YEATS2: variants seen among roughly 807,000 people sequenced by gnomAD.
The protein encoded by YEATS2 is YEATS domain containing 2, also known as YEATS domain-containing protein 2.
Under a neutral mutation model 163.2 loss-of-function variants are expected in YEATS2, and 77 were observed. The ratio of observed to expected loss-of-function variants is 0.47; its 90% CI spans 0.39 to 0.57. The LOEUF is 0.57. YEATS2 is among the 20% of genes least tolerant of loss of function. The pLI is 0.00. For missense variants in YEATS2, 1,549 were observed against 1,729.8 expected, an observed-to-expected ratio of 0.90 and a Z score of 1.85; for synonymous variants, 631 against 645.1, an observed-to-expected ratio of 0.98 and a Z score of 0.33.
At chr3:183,769,119 C>G (rs1722203674) in intron 15 of YEATS2, among the ~76,000 whole-genome samples, 1 of 152,200 alleles carries the variant, frequency 6.6e-6, no homozygotes, top group African/African-American at 2.4e-5. Flanking sequence ...TTCTTTTCTT[C>G]TCTCCTTAAA....
intron 5 of YEATS2, among the ~76,000 whole-genome samples, chr3:183,723,587 A>G (rs1409918529): frequency 2.6e-5 from 4 of 152,166 alleles, no homozygotes; most frequent in Non-Finnish European, 5.9e-5. Flanking sequence ...TCCTGAGCAA[A>G]TATTACATGT....
At chr3:183,724,385 A>G (rs756009742) in intron 5 of YEATS2, 34 bp from the exon 6 acceptor site, 1 of 1,509,786 alleles carries the variant, frequency 6.6e-7, no homozygotes, top group Non-Finnish European at 9.1e-7. Flanking sequence ...AGTTGTTCAA[A>G]ATGAGAATGG....
chr3:183,793,182 A>G (rs1724822448), intron 21 of YEATS2: 5 of 1,287,064 alleles, frequency 3.9e-6, no homozygotes, highest in Non-Finnish European at 5.1e-6. Flanking sequence ...CGAGATACAC[A>G]CACACACTCA....
At chr3:183,806,282 A>G (rs1320611937) in intron 27 of YEATS2, 4 of 455,960 alleles carry the variant, frequency 8.8e-6, no homozygotes, top group African/African-American at 6.0e-5. Flanking sequence ...CAGTAAAACA[A>G]AAGGCCAGGA....
At chr3:183,706,120 A>G (rs1239208623) in intron 1 of YEATS2, among the ~76,000 whole-genome samples, 1 of 151,980 alleles carries the variant, frequency 6.6e-6, no homozygotes, top group Non-Finnish European at 1.5e-5. Flanking sequence ...GAAGGTAGGG[A>G]GAGCTGTGTT....
Position 183,803,346 on chromosome 3 carries a change from T to C in YEATS2, c.3582+11T>C, listed in dbSNP as rs542957334. 7.5e-6 allele frequency: 12 copies of C among 1,606,490 alleles called. No homozygotes were observed. The African/African-American group carries it at 1.6e-4, about 21-fold the overall frequency. On this transcript the variant is annotated intron_variant, in intron 26 of 30. Coordinates refer to ENST00000305135, the MANE Select transcript of YEATS2 (RefSeq NM_018023.5). ...AGGAGAGCCGCTGAGGTAACCCACA[T>C]CTGCCTGTCCACTCTGGCTGCCTCC... is the stretch of plus-strand genomic sequence containing the variant.
At chr3:183,768,258 T>A (rs961572478) in intron 15 of YEATS2, among the ~76,000 whole-genome samples, 2 of 152,214 alleles carry the variant, frequency 1.3e-5, no homozygotes, top group African/African-American at 4.8e-5. Context: ...TACCTCCACG[T>A]TCACGCTTCT....
intron 7 of YEATS2, among the ~76,000 whole-genome samples, chr3:183,734,445 A>G (rs1183932608): frequency 1.3e-5 from 2 of 152,192 alleles, no homozygotes; most frequent in African/African-American, 4.8e-5. Context: ...TAATAGTTCT[A>G]AAGGGCTTAG....
chr3:183,804,234 C>T (rs1389839258), intron 27 of YEATS2, 46 bp downstream of exon 27: 3 of 1,607,396 alleles, frequency 1.9e-6, no homozygotes, highest in Non-Finnish European at 2.6e-6. Context: ...AGCCTGGAGG[C>T]ATTTGCTGAG....
At chr3:183,753,836 TTATA>T (rs2109299949) in intron 10 of YEATS2, among the ~76,000 whole-genome samples, 1 of 152,348 alleles carries the variant, frequency 6.6e-6, no homozygotes, top group Non-Finnish European at 1.5e-5. Flanking sequence ...GTTTTTCAGT[TTATA>T]TATTAAAAAA....
intron 7 of YEATS2, 71 bp downstream of exon 7, chr3:183,728,922 T>A: frequency 1.4e-6 from 2 of 1,438,254 alleles, no homozygotes; most frequent in Non-Finnish European, 1.9e-6. Flanking sequence ...AAAAGTGATT[T>A]AACTTCAAAA....
At chr3:183,767,503 C>T (rs1722024083) in intron 15 of YEATS2, among the ~76,000 whole-genome samples, 2 of 152,062 alleles carry the variant, frequency 1.3e-5, no homozygotes, top group Admixed American at 1.3e-4. Flanking sequence ...GACTCAGCCT[C>T]CCAAGTAGCT....
At chr3:183,748,126 G>A (rs1719753907) in intron 9 of YEATS2, among the ~76,000 whole-genome samples, 1 of 151,782 alleles carries the variant, frequency 6.6e-6, no homozygotes, top group East Asian at 1.9e-4. Context: ...TCTATGAAGA[G>A]GTTTAATAGA....
At chr3:183,733,802 C>T (rs781035275) in intron 7 of YEATS2, among the ~76,000 whole-genome samples, 5 of 151,838 alleles carry the variant, frequency 3.3e-5, no homozygotes, top group Admixed American at 6.6e-5. Context: ...GTTGTCAGGA[C>T]GACCCTTAGC....
intron 1 of YEATS2, among the ~76,000 whole-genome samples, chr3:183,710,175 C>A (rs1715050160): frequency 6.6e-6 from 1 of 152,174 alleles, no homozygotes; most frequent in African/African-American, 2.4e-5. Flanking sequence ...TCAGCTGATT[C>A]AGAAGCTATA....
intron 13 of YEATS2, among the ~76,000 whole-genome samples, chr3:183,759,827 C>G (rs1314806605): frequency 6.6e-6 from 1 of 152,220 alleles, no homozygotes; most frequent in East Asian, 1.9e-4. Flanking sequence ...ATGTTTTCCC[C>G]TTATGATGGG....
intron 9 of YEATS2, among the ~76,000 whole-genome samples, chr3:183,751,576 T>C (rs1475526838): frequency 6.6e-6 from 1 of 152,168 alleles, no homozygotes; most frequent in Non-Finnish European, 1.5e-5. Flanking sequence ...GTCAAATTCT[T>C]AGTGGCATTG....
chr3:183,735,398 C>T (rs1285102939), intron 7 of YEATS2, among the ~76,000 whole-genome samples: 4 of 152,232 alleles, frequency 2.6e-5, no homozygotes, highest in Admixed American at 1.3e-4. Context: ...TCTATACCAA[C>T]GTCACAGCTG....
At chr3:183,743,793 A>C (rs1339443344) in intron 8 of YEATS2, among the ~76,000 whole-genome samples, 2 of 152,136 alleles carry the variant, frequency 1.3e-5, no homozygotes, top group African/African-American at 4.8e-5. Flanking sequence ...GTGGTTTATC[A>C]CATTGTTCCC....
Sources: allele counts gnomAD v4.1 joint callset (sites outside exome capture counted in the v4.1 genomes callset), GRCh38; gene constraint gnomAD v4.1.1; transcripts MANE v1.5; gene names NCBI Gene and HGNC (gene_info 2026-07-23, HGNC 2026-07-21).